LCLAT1: variants seen among roughly 807,000 people sequenced by gnomAD.
LCLAT1 encodes lysocardiolipin acyltransferase 1.
A neutral mutation model predicts 30.7 loss-of-function variants in LCLAT1; 11 were observed. The ratio of observed to expected loss-of-function variants is 0.36; its 90% confidence interval spans 0.23 to 0.59. The LOEUF (loss-of-function observed/expected upper bound fraction) is 0.59, where lower values mean the gene tolerates loss of function less well. Among genes scored for constraint, LCLAT1 ranks in the 20% least tolerant of loss-of-function variants. The probability of loss-of-function intolerance (pLI) is 0.77; values close to 1 mark genes in which losing one functional copy is unlikely to be tolerated. For synonymous variants in LCLAT1, 155 were observed against 151.3 expected (o/e 1.02, Z -0.18); for missense variants, 402 against 458.6 (o/e 0.88, Z 1.13).
At chr2:30,593,562 A>T (rs1666790115) in intron 5 of LCLAT1, among the ~76,000 whole-genome samples, 2 of 152,068 alleles carry the variant, frequency 1.3e-5, no homozygotes, top group South Asian at 4.1e-4. Context: ...AAATTTTAGT[A>T]TTGTGTTTTT....
chr2:30,471,894 C>G (rs533614763), intron 1 of LCLAT1, among the ~76,000 whole-genome samples: 10 of 152,218 alleles, frequency 6.6e-5, no homozygotes, highest in African/African-American at 2.2e-4. Context: ...AATTCTAGTA[C>G]AATGTTGAAT....
chr2:30,448,683 T>C (rs1359064741), intron 1 of LCLAT1, among the ~76,000 whole-genome samples: 2 of 152,360 alleles, frequency 1.3e-5, no homozygotes, highest in African/African-American at 4.8e-5. Flanking sequence ...TGGCTGTTGC[T>C]GACAACCAGG....
At chr2:30,464,888 G>T (rs1682344113) in intron 1 of LCLAT1, among the ~76,000 whole-genome samples, 1 of 151,940 alleles carries the variant, frequency 6.6e-6, no homozygotes, top group Non-Finnish European at 1.5e-5. Context: ...TTTACTTTTT[G>T]TTTTATTTTT....
intron 3 of LCLAT1, among the ~76,000 whole-genome samples, chr2:30,548,483 G>C (rs191702009): frequency 7.2e-5 from 11 of 152,302 alleles, no homozygotes; most frequent in African/African-American, 2.6e-4. Flanking sequence ...ACAATTGGCC[G>C]AGTTTATGTG....
At chr2:30,569,684 G>A (rs1251329985) in intron 5 of LCLAT1, among the ~76,000 whole-genome samples, 1 of 152,170 alleles carries the variant, frequency 6.6e-6, no homozygotes, top group Non-Finnish European at 1.5e-5. Flanking sequence ...AGTATAACCT[G>A]CCAAGATGAA....
intron 1 of LCLAT1, among the ~76,000 whole-genome samples, chr2:30,514,722 G>GCATCACAGACCTCTGTGATAC (rs1685103005): frequency 6.6e-6 from 1 of 152,138 alleles, no homozygotes; most frequent in Non-Finnish European, 1.5e-5. Context: ...TGTTGGAGCT[G>GCATCACAGACCTCTGTGATAC]CATCACAGAC....
intron 1 of LCLAT1, among the ~76,000 whole-genome samples, chr2:30,450,763 C>T (rs901607148): frequency 2.0e-5 from 3 of 152,092 alleles, no homozygotes; most frequent in Non-Finnish European, 4.4e-5. Context: ...CTGCTGAAAC[C>T]ATAAGCGCAA....
intron 1 of LCLAT1, among the ~76,000 whole-genome samples, chr2:30,494,152 G>A (rs1453034786): frequency 6.6e-6 from 1 of 152,222 alleles, no homozygotes; most frequent in Non-Finnish European, 1.5e-5. Flanking sequence ...GACTCCAGGA[G>A]TTTGAGGTTG....
At chr2:30,576,431 C>T (rs1034435198) in intron 5 of LCLAT1, among the ~76,000 whole-genome samples, 1 of 152,084 alleles carries the variant, frequency 6.6e-6, no homozygotes, top group Admixed American at 6.6e-5. Context: ...CAGATGGGCA[C>T]TACATGTTTA....
chr2:30,499,226 C>G (rs758967816), intron 1 of LCLAT1, among the ~76,000 whole-genome samples: 21 of 152,160 alleles, frequency 1.4e-4, no homozygotes, highest in Non-Finnish European at 2.8e-4. Context: ...ATCGCCCAGG[C>G]TGGAGTGAAG....
chr2:30,537,563 C>T (rs919613320), intron 3 of LCLAT1, among the ~76,000 whole-genome samples: 9 of 151,280 alleles, frequency 5.9e-5, no homozygotes, highest in African/African-American at 1.7e-4. Flanking sequence ...CACCAAACAC[C>T]GGAGCACCCA....
intron 1 of LCLAT1, among the ~76,000 whole-genome samples, chr2:30,449,860 C>T (rs183278835): frequency 1.2e-4 from 18 of 152,246 alleles, no homozygotes; most frequent in Non-Finnish European, 2.4e-4. Context: ...GTTTTTATTA[C>T]ATTTTTTAAA....
intron 3 of LCLAT1, among the ~76,000 whole-genome samples, chr2:30,544,331 A>T (rs1375804355): frequency 6.6e-6 from 1 of 152,198 alleles, no homozygotes; most frequent in Non-Finnish European, 1.5e-5. Context: ...AAACTGCTTA[A>T]GGACTTTTTT....
chr2:30,450,063 TCCTGACCCTAC>T (rs1681470632), intron 1 of LCLAT1, among the ~76,000 whole-genome samples: 1 of 152,192 alleles, frequency 6.6e-6, no homozygotes, highest in African/African-American at 2.4e-5. Context: ...AAACATTAAC[TCCTGACCCTAC>T]CCTTGAGGAG....
chr2:30,630,147 G>C (rs1170719835), intron 5 of LCLAT1, among the ~76,000 whole-genome samples: 1 of 152,074 alleles, frequency 6.6e-6, no homozygotes, highest in Non-Finnish European at 1.5e-5. Flanking sequence ...TTCTCACTGT[G>C]TCCTCACGTG....
chr2:30,496,818 A>G (rs552975279), intron 1 of LCLAT1, among the ~76,000 whole-genome samples: 1 of 152,268 alleles, frequency 6.6e-6, no homozygotes. Context: ...TACCATATAC[A>G]CTGTGCTTTC....
chr2:30,496,388 G>C (rs1273364308), intron 1 of LCLAT1, among the ~76,000 whole-genome samples: 2 of 152,182 alleles, frequency 1.3e-5, no homozygotes, highest in African/African-American at 4.8e-5. Context: ...CCTTGGCACA[G>C]AGTAGCCTCT....
chr2:30,467,979 A>T (rs1315063183), intron 1 of LCLAT1, among the ~76,000 whole-genome samples: 1 of 152,136 alleles, frequency 6.6e-6, no homozygotes, highest in Non-Finnish European at 1.5e-5. Flanking sequence ...TTTTGTTGCC[A>T]TTGCTTTTGG....
chr2:30,523,382 C>T (rs1349422522), intron 1 of LCLAT1, among the ~76,000 whole-genome samples: 1 of 151,986 alleles, frequency 6.6e-6, no homozygotes, highest in East Asian at 1.9e-4. Context: ...CCACTCTAGG[C>T]CCCATGTGTG....
Sources: allele counts gnomAD v4.1 joint callset (sites outside exome capture counted in the v4.1 genomes callset), GRCh38; gene constraint gnomAD v4.1.1; transcripts MANE v1.5; gene names NCBI Gene and HGNC (gene_info 2026-07-23, HGNC 2026-07-21).